The following DBNDD1 variants were observed in gnomAD, a reference collection of about 807,000 sequenced individuals.
DBNDD1 encodes the protein dysbindin domain-containing protein 1.
In DBNDD1, 14 loss-of-function variants were observed where a neutral mutation model predicts 17.0. The ratio of observed to expected loss-of-function variants is 0.82; its 90% confidence interval spans 0.54 to 1.29. The LOEUF is 1.29. Among genes scored for constraint, DBNDD1 ranks in the 50% most tolerant of loss-of-function variants. DBNDD1 has a pLI of 0.00. For synonymous variants in DBNDD1, 105 were observed against 102.0 expected, an observed-to-expected ratio of 1.03 and a Z score of -0.18; for missense variants, 221 against 216.2, an observed-to-expected ratio of 1.02 and a Z score of -0.14.
At chr16:90,009,515 C>T (rs766624808) in intron 1 of DBNDD1, 85 bp from the exon 2 acceptor site, 16 of 1,569,512 alleles carry the variant, frequency 1.0e-5, no homozygotes, top group African/African-American at 2.7e-5. Context: ...GAGGACTTGG[C>T]ACATCCAGTC....
chr16:90,009,901 C>G, intron 1 of DBNDD1: 1 of 1,559,670 alleles, frequency 6.4e-7, no homozygotes, highest in Non-Finnish European at 8.8e-7. Context: ...CTTTTAAAAA[C>G]TGATGTCGTA....
At chr16:90,013,728 C>G (rs2035593731) in intron 1 of DBNDD1, among the ~76,000 whole-genome samples, 1 of 152,214 alleles carries the variant, frequency 6.6e-6, no homozygotes, top group Non-Finnish European at 1.5e-5. Context: ...TTCATTCACC[C>G]AACCAAGACT....
chr16:90,006,888 T>G (rs1361374632), intron 3 of DBNDD1: 3 of 162,794 alleles, frequency 1.8e-5, no homozygotes, highest in African/African-American at 3.6e-5. Context: ...ATCATGGGCC[T>G]TGTGTGTCCC....
intron 1 of DBNDD1, among the ~76,000 whole-genome samples, chr16:90,013,183 G>A (rs996068337): frequency 2.8e-5 from 4 of 140,426 alleles, no homozygotes; most frequent in African/African-American, 8.1e-5. Context: ...CAGGAGGTCC[G>A]CCTGAAACCC....
rs575879823 is a variant in DBNDD1, at chr16:90,013,634, GA to G, written c.32-4205del. ...CCTGGGGGGACGTGGATCTCTGAAG[GA>G]AGGTGGGACAGAGGTGGCGTCTCCC... On this transcript the variant is annotated intron_variant, in intron 1 of 3. Transcript: ENST00000002501. Among the ~76,000 whole-genome samples, 769 of 152,316 alleles carry G rather than the reference GA, an allele frequency of 5.0e-3. 8 individuals carry two copies. The highest frequency in any genetic ancestry group is 0.018 in the African/African-American group (734 of 41,574).
intron 1 of DBNDD1, among the ~76,000 whole-genome samples, chr16:90,015,349 G>A (rs969526941): frequency 6.6e-6 from 1 of 152,204 alleles, no homozygotes; most frequent in Non-Finnish European, 1.5e-5. Context: ...GCTGCTATAA[G>A]GCATGCTCGT....
chr16:90,014,019 G>A (rs896830990), intron 1 of DBNDD1, among the ~76,000 whole-genome samples: 15 of 152,160 alleles, frequency 9.9e-5, no homozygotes, highest in Admixed American at 5.9e-4. Flanking sequence ...TGTGCAGGTC[G>A]TGTGGAGATC....
chr16:90,016,188 T>A (rs2035638942), intron 1 of DBNDD1, among the ~76,000 whole-genome samples: 1 of 152,068 alleles, frequency 6.6e-6, no homozygotes, highest in South Asian at 2.1e-4. Context: ...TCTAAGCGGC[T>A]TGTATCTAGT....
intron 1 of DBNDD1, among the ~76,000 whole-genome samples, chr16:90,018,961 C>G (rs2035706580): frequency 6.6e-6 from 1 of 152,202 alleles, no homozygotes; most frequent in Non-Finnish European, 1.5e-5. Flanking sequence ...CGACAGGGAC[C>G]CCAAACTCCA....
intron 1 of DBNDD1, chr16:90,010,284 C>T: frequency 2.6e-6 from 1 of 388,056 alleles, no homozygotes; most frequent in Non-Finnish European, 4.6e-6. Context: ...AGGTGATCCG[C>T]CCGCCTCAGC....
chr16:90,009,602 G>C, intron 1 of DBNDD1, 172 bp from the exon 2 acceptor site: 1 of 977,044 alleles, frequency 1.0e-6, no homozygotes, highest in South Asian at 1.6e-5. Flanking sequence ...CCAGACAAGG[G>C]GTTGAGGGGC....
At position 90,019,251 on chromosome 16, in the gene DBNDD1, G is replaced by C; in HGVS notation, c.31+60C>G. The C allele has an allele frequency of 1.1e-6, 1 of 918,326 alleles. No individual in the cohort carries two copies. Among genetic ancestry groups the C allele is most frequent in the Non-Finnish European group, 1.4e-6 (1 of 705,540 alleles). The allele number at this position is 918,326 out of a possible 1,614,324, so 56.9% of individuals were successfully genotyped here. A position where few individuals can be genotyped will look rare whatever the true frequency, so the allele number is the denominator to read the frequency against. Reference sequence around the variant, plus strand: ...CGAAGGGTGAGCCCTGGGGGGAGGGGCTGCGGCTCGCTGCGGGGAAGCGCT... The same window carrying C: ...CGAAGGGTGAGCCCTGGGGGGAGGGCCTGCGGCTCGCTGCGGGGAAGCGCT... On this transcript the variant is annotated intron_variant, in intron 1 of 3. Transcript: ENST00000002501. The surrounding 1 kb of genome is among the most constrained non-coding windows in gnomAD (Gnocchi z 6.1).
intron 1 of DBNDD1, among the ~76,000 whole-genome samples, chr16:90,015,931 C>T (rs2035634505): frequency 6.6e-6 from 1 of 152,094 alleles, no homozygotes; most frequent in Non-Finnish European, 1.5e-5. Flanking sequence ...GTGGTGGTGA[C>T]TGCACAATTT....
At chr16:90,012,083 A>G (rs1003201083) in intron 1 of DBNDD1, among the ~76,000 whole-genome samples, 2 of 152,228 alleles carry the variant, frequency 1.3e-5, no homozygotes, top group African/African-American at 4.8e-5. Context: ...GTGGCTGCAG[A>G]GGGCGTAGCC....
intron 1 of DBNDD1, among the ~76,000 whole-genome samples, chr16:90,014,152 G>T (rs1158696197): frequency 4.0e-5 from 6 of 151,364 alleles, no homozygotes; most frequent in Non-Finnish European, 8.8e-5. Context: ...TTTTGAGATG[G>T]AGTCTCGCTC....
rs1209788191 is a variant in DBNDD1, at chr16:90,019,046, G to A, written c.31+265C>T. Among the ~76,000 whole-genome samples, 1 of 152,184 alleles carries A rather than the reference G, an allele frequency of 6.6e-6. No homozygotes were observed. Among genetic ancestry groups the A allele is most frequent in the Non-Finnish European group, 1.5e-5 (1 of 68,002 alleles). On this transcript the variant is annotated intron_variant, in intron 1 of 3. Coordinates refer to ENST00000002501, the MANE Select transcript of DBNDD1 (RefSeq NM_001042610.3). This position sits in a 1 kb window ranked among gnomAD's most constrained non-coding sequence, Gnocchi z 6.1. ...GGGAGGGGGCTCAGGACGAAACTCC[G>A]GGCCACCCACCAAGGAGCGTGCCGG...
Position 90,006,296 on chromosome 16 carries a change from G to T in DBNDD1, c.*39C>A. 1 of 1,576,978 alleles carries T rather than the reference G, an allele frequency of 6.3e-7. No homozygotes were observed. Among genetic ancestry groups the T allele is most frequent in the South Asian group, 1.1e-5 (1 of 87,314 alleles). ...CTGCCCAGATCTGCCATCGTGTTCG[G>T]ACCCCATCCCTGCAGGAGCTGGGGC... is the stretch of plus-strand genomic sequence containing the variant. On this transcript the variant is annotated 3_prime_UTR_variant, in exon 4 of 4. Transcript: ENST00000002501.
chr16:90,019,762 C>T (rs1469180453), upstream of DBNDD1: 7 of 689,120 alleles, frequency 1.0e-5, no homozygotes, highest in Non-Finnish European at 1.3e-5. The surrounding 1 kb of genome is among the most constrained non-coding windows in gnomAD (Gnocchi z 6.1). Flanking sequence ...CTCTTGTTCT[C>T]TTCCAGGTAC....
intron 1 of DBNDD1, chr16:90,009,823 T>C (rs2035517505): frequency 5.6e-6 from 5 of 888,072 alleles, no homozygotes; most frequent in Non-Finnish European, 8.6e-6. Flanking sequence ...CGCCCATGGA[T>C]TTCCATGTCC....
Sources: gnomAD v4.1 joint callset for allele counts (sites outside exome capture counted in the v4.1 genomes callset) on GRCh38, gnomAD v4.1.1 for gene constraint, Gnocchi (gnomAD v3.1) non-coding constraint, MANE v1.5 for transcripts, NCBI Gene and HGNC (gene_info 2026-07-23, HGNC 2026-07-21) for gene names.